LAMA2: variants seen among roughly 807,000 people sequenced by gnomAD.
The protein encoded by LAMA2 is laminin subunit alpha-2.
Under a neutral mutation model 364.8 loss-of-function variants are expected in LAMA2, and 269 were observed. That is an observed-to-expected ratio of 0.74 (90% CI 0.67 to 0.82). The LOEUF is 0.82. LAMA2 is among the 40% of genes least tolerant of loss of function. LAMA2 has a pLI of 0.00. For missense variants in LAMA2, 3,807 were observed against 3,873.2 expected, an observed-to-expected ratio of 0.98 and a Z score of 0.45; for synonymous variants, 1,379 against 1,370.6, an observed-to-expected ratio of 1.01 and a Z score of -0.14.
intron 55 of LAMA2, among the ~76,000 whole-genome samples, chr6:129,482,548 A>G: frequency 6.6e-6 from 1 of 152,242 alleles, no homozygotes; most frequent in East Asian, 1.9e-4. Flanking sequence ...AAGTATGCAC[A>G]TACCCTTGTA....
At chr6:129,182,713 A>G (rs1357004491) in intron 10 of LAMA2, among the ~76,000 whole-genome samples, 2 of 151,830 alleles carry the variant, frequency 1.3e-5, no homozygotes, top group Admixed American at 1.3e-4. Context: ...TAGGGTAAGT[A>G]CTAATTTCAG....
rs111285812 is a variant in LAMA2 at position 129,246,457 on chromosome 6, T to C, written c.1783-3655T>C. Among the ~76,000 whole-genome samples the C allele has an allele frequency of 2.8e-3, 423 of 152,334 alleles. 1 individual carries two copies. Among genetic ancestry groups the C allele is most frequent in the African/African-American group, 9.6e-3 (399 of 41,576 alleles). ...CCTTCAAATGTTTACAATATTCCAC[T>C]GTGCCTTTGTGAGTTCACTGCAGCA... On this transcript the variant is annotated intron_variant, in intron 12 of 64. Transcript: ENST00000421865.
intron 18 of LAMA2, among the ~76,000 whole-genome samples, chr6:129,286,308 T>C (rs544996824): frequency 9.9e-5 from 15 of 151,882 alleles, no homozygotes; most frequent in African/African-American, 3.6e-4. Flanking sequence ...GATGCCCTGT[T>C]CTGTTTCTCC....
intron 32 of LAMA2, among the ~76,000 whole-genome samples, chr6:129,355,104 G>GA (rs1246885517): frequency 1.3e-5 from 2 of 152,122 alleles, no homozygotes; most frequent in Admixed American, 6.5e-5. Flanking sequence ...TTTTATTCCA[G>GA]AAAAAAATAT....
chr6:129,300,118 T>C (rs537890616), intron 21 of LAMA2, among the ~76,000 whole-genome samples: 12 of 152,292 alleles, frequency 7.9e-5, no homozygotes, highest in Non-Finnish European at 1.8e-4. Flanking sequence ...TATTGCATGA[T>C]AGCAACAAAA....
intron 34 of LAMA2, among the ~76,000 whole-genome samples, chr6:129,377,066 T>G (rs1778412796): frequency 6.6e-6 from 1 of 152,160 alleles, no homozygotes; most frequent in South Asian, 2.1e-4. Flanking sequence ...TAAAATGTGT[T>G]AAAATCAGGC....
intron 31 of LAMA2, among the ~76,000 whole-genome samples, chr6:129,352,081 C>A (rs1285869419): frequency 6.6e-6 from 1 of 152,136 alleles, no homozygotes; most frequent in Non-Finnish European, 1.5e-5. Context: ...GCCTGTTGAA[C>A]AAAAATTCTA....
chr6:128,907,899 GT>G (rs1330823136), intron 1 of LAMA2, among the ~76,000 whole-genome samples: 1 of 152,108 alleles, frequency 6.6e-6, no homozygotes, highest in Non-Finnish European at 1.5e-5. Context: ...TAATCATGTG[GT>G]TTTTGTCTTT....
intron 1 of LAMA2, among the ~76,000 whole-genome samples, chr6:129,024,531 C>G (rs1233487821): frequency 6.6e-6 from 1 of 151,622 alleles, no homozygotes; most frequent in African/African-American, 2.4e-5. Context: ...TTACAGGCAC[C>G]TGCCACCATG....
At position 129,127,403 on chromosome 6, in the gene LAMA2, C is replaced by T. The variant is rs184534604; in HGVS notation, c.640-16498C>T. On this transcript the variant is annotated intron_variant, in intron 4 of 64. Transcript: ENST00000421865. ...AGTATTTCATCGTGTATGTGTACGA[C>T]GTTTTCTTTATCCATTCATCTGTTG... Among the ~76,000 whole-genome samples, 961 of 152,254 alleles carry T rather than the reference C, an allele frequency of 6.3e-3. 24 individuals carry two copies. The highest frequency in any genetic ancestry group is 3.0e-3 in the Non-Finnish European group (205 of 68,020).
chr6:129,217,975 A>T (rs891159136), intron 12 of LAMA2, among the ~76,000 whole-genome samples: 6 of 152,050 alleles, frequency 3.9e-5, no homozygotes, highest in African/African-American at 9.7e-5. Context: ...CCAGGCTTTT[A>T]AAAAAAATTC....
At position 129,410,761 on chromosome 6, in the gene LAMA2, A is replaced by G. The variant is rs566522525; in HGVS notation, c.5865+6802A>G. On this transcript the variant is annotated intron_variant, in intron 40 of 64. Transcript: ENST00000421865. ...AGATAGATAGATAGATAGATAATAG[A>G]TTAGATGATAGACAGAAAGAATAAG... Among the ~76,000 whole-genome samples, 29 of 151,370 alleles carry G rather than the reference A, an allele frequency of 1.9e-4. No individual in the cohort carries two copies. In the East Asian group the frequency reaches 4.5e-3, roughly 23 times the overall value.
At chr6:129,384,901 C>G (rs1778893727) in intron 35 of LAMA2, among the ~76,000 whole-genome samples, 1 of 151,674 alleles carries the variant, frequency 6.6e-6, no homozygotes, top group African/African-American at 2.4e-5. Flanking sequence ...ACACCACTCA[C>G]TTTTGCCTGC....
chr6:129,276,832 T>C (rs534162627), intron 17 of LAMA2, among the ~76,000 whole-genome samples: 3 of 152,238 alleles, frequency 2.0e-5, no homozygotes, highest in Admixed American at 6.5e-5. Flanking sequence ...AATGCACATA[T>C]TTTGACAGAT....
At chr6:128,940,743 G>C (rs1483660522) in intron 1 of LAMA2, among the ~76,000 whole-genome samples, 1 of 152,118 alleles carries the variant, frequency 6.6e-6, no homozygotes, top group Non-Finnish European at 1.5e-5. Context: ...CTTGAGCTCA[G>C]AAGTTCAAGG....
At chr6:129,258,874 G>A (rs1350857584) in intron 14 of LAMA2, among the ~76,000 whole-genome samples, 2 of 152,006 alleles carry the variant, frequency 1.3e-5, no homozygotes, top group African/African-American at 4.8e-5. Flanking sequence ...AAACACTATA[G>A]GACAGTGATA....
intron 4 of LAMA2, among the ~76,000 whole-genome samples, chr6:129,121,047 G>A (rs563142623): frequency 2.9e-4 from 44 of 152,262 alleles, no homozygotes; most frequent in African/African-American, 8.4e-4. Flanking sequence ...GCACTGAACC[G>A]TGGAACCATG....
At chr6:129,296,932 C>T (rs1208772423) in intron 20 of LAMA2, among the ~76,000 whole-genome samples, 1 of 152,108 alleles carries the variant, frequency 6.6e-6, no homozygotes, top group Non-Finnish European at 1.5e-5. Context: ...TCAGCCGAAG[C>T]TGGTAATGCA....
intron 29 of LAMA2, among the ~76,000 whole-genome samples, chr6:129,334,503 C>T (rs1775835778): frequency 6.6e-6 from 1 of 152,132 alleles, no homozygotes; most frequent in Non-Finnish European, 1.5e-5. Context: ...AATTACCATA[C>T]ACATTATCTA....
Sources: allele counts gnomAD v4.1 joint callset (sites outside exome capture counted in the v4.1 genomes callset), GRCh38; gene constraint gnomAD v4.1.1; transcripts MANE v1.5; gene names NCBI Gene and HGNC (gene_info 2026-07-23, HGNC 2026-07-21).